COL18A1: variants seen among roughly 807,000 people sequenced by gnomAD.
COL18A1 encodes collagen alpha-1(XVIII) chain.
A neutral mutation model predicts 168.0 loss-of-function variants in COL18A1; 133 were observed. The observed-to-expected ratio is 0.79, with a 90% CI of 0.69 to 0.91. The LOEUF (loss-of-function observed/expected upper bound fraction) is 0.91, where lower values mean the gene tolerates loss of function less well. Ranked by LOEUF, COL18A1 falls within the 40% of genes least tolerant of loss-of-function variation. The pLI, the probability that COL18A1 is intolerant of heterozygous loss-of-function variation, is 0.00. For synonymous variants in COL18A1, 949 were observed against 809.0 expected, an observed-to-expected ratio of 1.17 and a Z score of -2.94; for missense variants, 2,126 against 1,925.4, an observed-to-expected ratio of 1.10 and a Z score of -1.95.
chr21:45,509,450 C>T lies in COL18A1; in HGVS notation c.3344C>T (p.Pro1115Leu). Residue 1115 changes from proline to leucine, a missense_variant, in exon 39 of 42, where the codon CCC (proline) becomes CTC (leucine). Pro to Leu is a moderately conservative substitution (Grantham distance 98). Transcript: ENST00000651438. ...GAGCACCCCCACCCCACCGCGCGGC[C>T]CTGGCGGGCAGATGACATCCTGGCC... ...RREHPHPTAR[P>L]WRADDILASP... 1.3e-6 allele frequency: 2 copies of T among 1,535,018 alleles called. No homozygotes were observed. Among genetic ancestry groups the T allele is most frequent in the East Asian group, 4.9e-5 (2 of 40,944 alleles).
In COL18A1 at chr21:45,473,095, C is replaced by T. The variant is rs147089890; in HGVS notation, c.652-800C>T. Among the ~76,000 whole-genome samples the T allele has an allele frequency of 3.2e-3, 495 of 152,354 alleles. 4 individuals carry two copies. The highest frequency in any genetic ancestry group is 0.01 in the African/African-American group (431 of 41,590). On this transcript the variant is annotated intron_variant, in intron 3 of 41. Coordinates refer to ENST00000651438, the MANE Select transcript of COL18A1 (RefSeq NM_001379500.1). This position sits in a 1 kb window ranked among gnomAD's most constrained non-coding sequence, Gnocchi z 4.0. Reference sequence around the variant, plus strand: ...ACTGTGCGCAGCCCCCACCTGGCAGCCCCTTTTCCTGTCAAAGCCCCTCCC... The same window carrying T: ...ACTGTGCGCAGCCCCCACCTGGCAGTCCCTTTTCCTGTCAAAGCCCCTCCC...
At position 45,505,404 on chromosome 21, in the gene COL18A1, C is replaced by T; in HGVS notation, c.3060C>T (p.Pro1020=). 2 of 1,584,134 alleles carry T rather than the reference C, an allele frequency of 1.3e-6. No individual in the cohort carries two copies. The highest frequency in any genetic ancestry group is 2.2e-5 in the South Asian group (2 of 89,426). Residue 1020 remains proline, a synonymous_variant, in exon 36 of 42, where the codon CCC becomes CCT. Coordinates refer to ENST00000651438, the MANE Select transcript of COL18A1 (RefSeq NM_001379500.1). ...CGGGCCCCCCTGGGCCCCCTGGGCC[C>T]CCTGGAACCATGGGCGCCTCCTCAG... ...GPPGPPGPPG[P]PGTMGASSGV... is the part of the protein sequence containing the mutation.
intron 38 of COL18A1, 51 bp from the exon 39 acceptor site, chr21:45,509,305 G>A (rs2037431133): frequency 9.1e-6 from 14 of 1,535,216 alleles, no homozygotes; most frequent in South Asian, 1.2e-5. Flanking sequence ...GATGGAGGAG[G>A]GGCACCCGGA....
chr21:45,458,661 C>T (rs1267777892), intron 2 of COL18A1, among the ~76,000 whole-genome samples: 1 of 152,250 alleles, frequency 6.6e-6, no homozygotes, highest in Middle Eastern at 3.4e-3. Context: ...GACCCGGGTC[C>T]GGTGTCCTGG....
intron 20 of COL18A1, among the ~76,000 whole-genome samples, 168 bp downstream of exon 20, chr21:45,490,514 GTGCCCACTCCC>G (rs1568921677): frequency 4.3e-4 from 64 of 149,444 alleles, no homozygotes; most frequent in Middle Eastern, 3.5e-3. Flanking sequence ...GGGCCTCCGT[GTGCCCACTCCC>G]GGGTCTCTGG....
chr21:45,493,721 G>T (rs532285723), intron 26 of COL18A1, 146 bp downstream of exon 26: 3 of 658,032 alleles, frequency 4.6e-6, no homozygotes, highest in Non-Finnish European at 7.8e-6. Flanking sequence ...GGCCCTGGTG[G>T]CCCCTCCTTT....
chr21:45,493,794 T>TGCCCCTCGTCCTCTCCCG, intron 26 of COL18A1: 1 of 567,336 alleles, frequency 1.8e-6, no homozygotes, highest in Non-Finnish European at 3.2e-6. Context: ...GTCCTCTCCC[T>TGCCCCTCGTCCTCTCCCG]ACCCCTGAGC....
At position 45,511,096 on chromosome 21, in the gene COL18A1, C is replaced by T. The variant is rs1568955010; in HGVS notation, c.3694-15C>T. 8 of 1,451,612 alleles carry T rather than the reference C, an allele frequency of 5.5e-6. No individual in the cohort carries two copies. The highest frequency in any genetic ancestry group is 2.5e-5 in the East Asian group (1 of 40,500). 89.9% of individuals were successfully genotyped at this position (1,451,612 alleles called of 1,614,324 possible). On this transcript the variant is annotated splice_polypyrimidine_tract_variant and intron_variant, in intron 40 of 41. Transcript: ENST00000651438. ...CCCACACACCACACACACATACACACGGTTTCTCTTCCAGGACGAGCTGCT... is the reference window on the plus strand; with the variant it reads ...CCCACACACCACACACACATACACATGGTTTCTCTTCCAGGACGAGCTGCT...
At position 45,456,148 on chromosome 21, in the gene COL18A1, G is replaced by A. The variant is rs766006804; in HGVS notation, c.107-12094G>A. 7.6e-6 allele frequency: 12 copies of A among 1,583,448 alleles called. No homozygotes were observed. Among genetic ancestry groups the A allele is most frequent in the African/African-American group, 1.3e-5 (1 of 74,216 alleles). ...TGGGCAGGCCCTGGGCACCACTCAC[G>A]GGGCCCTCAGTGCCACCACCATCTT... On this transcript the variant is annotated intron_variant, in intron 2 of 41. Transcript: ENST00000651438.
chr21:45,504,232 T>G (rs1602606793), intron 33 of COL18A1, 178 bp downstream of exon 33: 1 of 906,474 alleles, frequency 1.1e-6, no homozygotes, highest in East Asian at 2.6e-5. Flanking sequence ...CCCGGCTCAG[T>G]TTTTGGGGGA....
rs1054843415 is a variant in COL18A1, at chr21:45,476,929, G to T, written c.928+449G>T. Among the ~76,000 whole-genome samples, 20 of 150,426 alleles carry T rather than the reference G, an allele frequency of 1.3e-4. No individual in the cohort carries two copies. The East Asian group carries it at 1.8e-3, about 13-fold the overall frequency. On this transcript the variant is annotated intron_variant, in intron 6 of 41. Coordinates refer to ENST00000651438, the MANE Select transcript of COL18A1 (RefSeq NM_001379500.1). ...GATGTGTATTATGTGTTTTGTGTGTGTGTGTGTGTGTGTGTGTGTGTGGCA... is the reference window on the plus strand; with the variant it reads ...GATGTGTATTATGTGTTTTGTGTGTTTGTGTGTGTGTGTGTGTGTGTGGCA...
chr21:45,416,749 C>G (rs1349566348), intron 2 of COL18A1, among the ~76,000 whole-genome samples: 1 of 152,188 alleles, frequency 6.6e-6, no homozygotes, highest in Non-Finnish European at 1.5e-5. Flanking sequence ...GCAGCCTCTA[C>G]TCTCCCACTT....
At chr21:45,488,371 G>A in intron 17 of COL18A1, 47 bp from the exon 18 acceptor site, 1 of 1,613,380 alleles carries the variant, frequency 6.2e-7, no homozygotes, top group Non-Finnish European at 8.5e-7. Flanking sequence ...GCATCTCACA[G>A]CAGGGCCTCC....
chr21:45,406,889 G>T (rs1196269662), intron 2 of COL18A1, among the ~76,000 whole-genome samples: 2 of 152,262 alleles, frequency 1.3e-5, no homozygotes, highest in African/African-American at 4.8e-5. Flanking sequence ...TGTAAAGTCA[G>T]TGCAGGCCTC....
intron 3 of COL18A1, among the ~76,000 whole-genome samples, chr21:45,472,755 C>T (rs747306927): frequency 4.6e-5 from 7 of 152,078 alleles, no homozygotes; most frequent in Non-Finnish European, 1.0e-4. Flanking sequence ...ACCGCTGGTG[C>T]GTTTTGTGGG....
At chr21:45,511,447 C>T (rs923920366) in intron 41 of COL18A1, among the ~76,000 whole-genome samples, 2 of 152,078 alleles carry the variant, frequency 1.3e-5, no homozygotes, top group African/African-American at 4.8e-5. Context: ...GTAAGAAGGC[C>T]CCGAAGGTGC....
chr21:45,487,943 C>G (rs1340965865), intron 17 of COL18A1, among the ~76,000 whole-genome samples: 4 of 152,226 alleles, frequency 2.6e-5, no homozygotes, highest in Non-Finnish European at 5.9e-5. Flanking sequence ...TTAGAGCCAG[C>G]AAGGAGTGAC....
At chr21:45,405,742 G>A (rs1432760152) in intron 2 of COL18A1, among the ~76,000 whole-genome samples, 1 of 150,836 alleles carries the variant, frequency 6.6e-6, no homozygotes, top group Non-Finnish European at 1.5e-5. Context: ...AACCTCCGCG[G>A]CCGGCGGGGT....
rs758286743 is a variant in COL18A1 at position 45,504,614 on chromosome 21, G to A, written c.2868+58G>A. ...TCCCAGGGGTCTGGGTGCAGGAGCC[G>A]AGGGCAGGTCCAGCCCGGCCTTCGA... On this transcript the variant is annotated intron_variant, in intron 34 of 41. Coordinates refer to ENST00000651438, the MANE Select transcript of COL18A1 (RefSeq NM_001379500.1). 140 of 1,491,942 alleles carry A rather than the reference G, an allele frequency of 9.4e-5. 1 individual carries two copies. Among genetic ancestry groups the A allele is most frequent in the South Asian group, 2.8e-4 (23 of 83,148 alleles). 92.4% of individuals were successfully genotyped at this position (1,491,942 alleles called of 1,614,324 possible).
Sources: allele counts gnomAD v4.1 joint callset (sites outside exome capture counted in the v4.1 genomes callset), GRCh38; gene constraint gnomAD v4.1.1; non-coding constraint Gnocchi (gnomAD v3.1); transcripts MANE v1.5; gene names NCBI Gene and HGNC (gene_info 2026-07-23, HGNC 2026-07-21).